WDPCP: variants seen among roughly 807,000 people sequenced by gnomAD.
The protein encoded by WDPCP is WD repeat containing planar cell polarity effector, also known as WD repeat-containing and planar cell polarity effector protein fritz homolog.
In WDPCP, 71 loss-of-function variants were observed where a neutral mutation model predicts 93.1. The observed-to-expected ratio is 0.76, with a 90% CI of 0.63 to 0.93. The LOEUF is 0.93. Ranked by LOEUF, WDPCP falls within the 40% of genes least tolerant of loss-of-function variation. WDPCP has a pLI of 0.00. For missense variants in WDPCP, 844 were observed against 887.4 expected (o/e 0.95, Z 0.62); for synonymous variants, 315 against 315.0 (o/e 1.00, Z 0.00).
At chr2:63,542,641 T>C (rs867782041) in intron 1 of WDPCP, among the ~76,000 whole-genome samples, 3 of 152,208 alleles carry the variant, frequency 2.0e-5, no homozygotes, top group Admixed American at 1.3e-4. Context: ...ATACTAAATA[T>C]GTATTTTTAA....
chr2:63,611,031 G>A (rs1483726106), intron 3 of WDPCP, among the ~76,000 whole-genome samples: 1 of 152,206 alleles, frequency 6.6e-6, no homozygotes, highest in Non-Finnish European at 1.5e-5. Context: ...CCCAGAAGCA[G>A]AGGTTGCAAA....
intron 14 of WDPCP, among the ~76,000 whole-genome samples, chr2:63,258,272 G>A (rs548978721): frequency 2.0e-5 from 3 of 152,236 alleles, no homozygotes; most frequent in African/African-American, 7.2e-5. Context: ...ACAGAGATAT[G>A]AAAGTGGTCT....
chr2:63,572,701 C>CAAAAAAAAA lies in WDPCP; in HGVS notation c.75+15487_75+15495dup, dbSNP rs533331577. On this transcript the variant is annotated intron_variant, in intron 1 of 17. Coordinates refer to ENST00000272321, the MANE Select transcript of WDPCP (RefSeq NM_015910.7). ...TGGGTGACAGAGTGAGACTCTGTCTCAAAAAAAAAAAAAAAAAAAAAAAAA... is the reference window on the plus strand; with the variant it reads ...TGGGTGACAGAGTGAGACTCTGTCTCAAAAAAAAAAAAAAAAAAAAAAAAAAAAAAAAAA... Among the ~76,000 whole-genome samples the CAAAAAAAAA allele has an allele frequency of 3.5e-3, 86 of 24,776 alleles. 21 individuals are homozygous for CAAAAAAAAA. The East Asian group carries it at 0.063, about 18-fold the overall frequency. 16.3% of individuals were successfully genotyped at this position (24,776 alleles called of 152,430 possible).
upstream of WDPCP, chr2:63,593,562 A>G (rs186707643): frequency 2.1e-5 from 10 of 471,430 alleles, no homozygotes; most frequent in Admixed American, 2.1e-4. Flanking sequence ...GGAAGAAGGA[A>G]CTTTAAGTAA....
intron 14 of WDPCP, among the ~76,000 whole-genome samples, chr2:63,186,524 C>A (rs1399055500): frequency 6.6e-6 from 1 of 152,244 alleles, no homozygotes; most frequent in African/African-American, 2.4e-5. Flanking sequence ...CATTTCCCAG[C>A]ATTTTTCTTT....
At position 63,404,213 on chromosome 2, in the gene WDPCP, C is replaced by A. The variant is rs374062508; in HGVS notation, c.1270G>T (p.Glu424Ter). The part of the protein sequence containing the change: ...QLLAEDRLPR[E>*]TLQFSKLFDA... Reference sequence around the variant, plus strand: ...AATAATTTACTGAATTGCAGAGTCTCCCTGGGTAAGCGGTCTTCAGCCAAC... The same window carrying A: ...AATAATTTACTGAATTGCAGAGTCTACCTGGGTAAGCGGTCTTCAGCCAAC... Residue 424 changes from glutamate (E) to a stop codon, truncating the protein, a stop_gained, in exon 10 of 18, where the codon GAG becomes TAG. Transcript: ENST00000272321. LOFTEE classifies it high-confidence loss of function. The A allele has an allele frequency of 1.2e-6, 2 of 1,613,810 alleles. No individual in the cohort carries two copies. Among genetic ancestry groups the A allele is most frequent in the Non-Finnish European group, 1.7e-6 (2 of 1,179,840 alleles).
At chr2:63,288,992 T>C (rs1465458997) in intron 13 of WDPCP, among the ~76,000 whole-genome samples, 2 of 152,078 alleles carry the variant, frequency 1.3e-5, no homozygotes, top group Non-Finnish European at 2.9e-5. Context: ...CTTACTGCAA[T>C]ATATGAGGTG....
chr2:63,205,644 T>C (rs894721790), intron 14 of WDPCP, among the ~76,000 whole-genome samples: 2 of 152,252 alleles, frequency 1.3e-5, no homozygotes, highest in African/African-American at 2.4e-5. Context: ...TGTTGGGATA[T>C]AGAAATGCTA....
intron 6 of WDPCP, among the ~76,000 whole-genome samples, chr2:63,449,329 A>G (rs1439089982): frequency 1.3e-5 from 2 of 152,214 alleles, no homozygotes; most frequent in African/African-American, 4.8e-5. Context: ...GTCAAGAAGT[A>G]CATGAAATGC....
At chr2:63,476,229 C>A (rs1245567633) in intron 6 of WDPCP, among the ~76,000 whole-genome samples, 1 of 152,050 alleles carries the variant, frequency 6.6e-6, no homozygotes, top group Non-Finnish European at 1.5e-5. Context: ...TACAGTGTTA[C>A]AGGACAATGT....
At chr2:63,545,485 T>G (rs553996655) in intron 1 of WDPCP, among the ~76,000 whole-genome samples, 6 of 152,230 alleles carry the variant, frequency 3.9e-5, no homozygotes, top group Admixed American at 3.3e-4. Flanking sequence ...TCAAATCTTC[T>G]TTGGATAGTG....
At chr2:63,599,060 A>G (rs1369583511) in intron 3 of WDPCP, 4 of 1,008,926 alleles carry the variant, frequency 4.0e-6, no homozygotes, top group Non-Finnish European at 5.6e-6. Flanking sequence ...GTGTTTCCCA[A>G]GCCTCCCCTG....
intron 6 of WDPCP, among the ~76,000 whole-genome samples, chr2:63,456,352 G>A (rs143613682): frequency 0.017 from 2,536 of 152,260 alleles, 61 homozygotes; most frequent in African/African-American, 0.055. Flanking sequence ...GGGAGGCAGT[G>A]GTTGCAGTGA....
intron 14 of WDPCP, among the ~76,000 whole-genome samples, chr2:63,186,678 C>T (rs576925422): frequency 6.6e-6 from 1 of 152,336 alleles, no homozygotes; most frequent in East Asian, 1.9e-4. Context: ...TCGGGGACTT[C>T]ACTCACAGTT....
chr2:63,588,945 AC>A, upstream of WDPCP: 4 of 1,570,900 alleles, frequency 2.5e-6, no homozygotes, highest in Non-Finnish European at 3.5e-6. Flanking sequence ...TTTCTCGCTA[AC>A]ACCGCTCGCC....
At chr2:63,374,476 C>T (rs1691675746) in intron 12 of WDPCP, among the ~76,000 whole-genome samples, 1 of 152,040 alleles carries the variant, frequency 6.6e-6, no homozygotes, top group Non-Finnish European at 1.5e-5. Context: ...CTTAGGTTAA[C>T]TTTTTTAGTA....
chr2:63,694,607 A>C (rs942547608), intron 2 of WDPCP, among the ~76,000 whole-genome samples: 1 of 152,148 alleles, frequency 6.6e-6, no homozygotes, highest in Admixed American at 6.5e-5. Context: ...AAAGCACAAA[A>C]TCTTGGGGAC....
intron 1 of WDPCP, among the ~76,000 whole-genome samples, chr2:63,572,374 T>C (rs2106478577): frequency 6.6e-6 from 1 of 152,228 alleles, no homozygotes; most frequent in South Asian, 2.1e-4. Flanking sequence ...GGTATCCAGC[T>C]GTAAGTTATT....
chr2:63,238,611 A>G (rs1679605378), intron 14 of WDPCP, among the ~76,000 whole-genome samples: 1 of 152,132 alleles, frequency 6.6e-6, no homozygotes, highest in African/African-American at 2.4e-5. Flanking sequence ...CTTGCATTAT[A>G]TTTCTATTGG....
Sources: allele counts gnomAD v4.1 joint callset (sites outside exome capture counted in the v4.1 genomes callset), GRCh38; gene constraint gnomAD v4.1.1; transcripts MANE v1.5; gene names NCBI Gene and HGNC (gene_info 2026-07-23, HGNC 2026-07-21).